CEP63: variants seen among roughly 807,000 people sequenced by gnomAD.
CEP63 encodes the protein centrosomal protein of 63 kDa.
A neutral mutation model predicts 89.1 loss-of-function variants in CEP63; 84 were observed. The ratio of observed to expected loss-of-function variants is 0.94; its 90% confidence interval spans 0.79 to 1.13. CEP63 has a LOEUF of 1.13. CEP63 is among the 50% of genes most tolerant of loss of function. CEP63 has a pLI of 0.00. For synonymous variants in CEP63, 267 were observed against 272.5 expected (o/e 0.98, Z 0.20); for missense variants, 838 against 813.3 (o/e 1.03, Z -0.37).
At position 134,562,344 on chromosome 3, in the gene CEP63, C is replaced by T; in HGVS notation, c.*809C>T. 2.4e-6 allele frequency: 1 copy of T among 415,456 alleles called. No individual in the cohort carries two copies. The allele number at this position is 415,456 out of a possible 1,614,324, so 25.7% of individuals were successfully genotyped here. A position where few individuals can be genotyped will look rare whatever the true frequency, so the allele number is the denominator to read the frequency against. ...AGGAGCAGGAGGCTGGGTTTGGGGC[C>T]CTGAAAGATGCCAGCATCTGAGGAT... is the stretch of plus-strand genomic sequence containing the variant. On this transcript the variant is annotated 3_prime_UTR_variant, in exon 15 of 15. Transcript: ENST00000675561.
At chr3:134,766,682 G>T in the CEP63 span, among the ~76,000 whole-genome samples, 1 of 152,212 alleles carries the variant, frequency 6.6e-6, no homozygotes, top group Non-Finnish European at 1.5e-5. Flanking sequence ...CAGTCACAAG[G>T]TTTGTGCAGT....
At chr3:134,527,591 A>G (rs1052205314) in intron 3 of CEP63, among the ~76,000 whole-genome samples, 1 of 152,196 alleles carries the variant, frequency 6.6e-6, no homozygotes, top group Non-Finnish European at 1.5e-5. Flanking sequence ...GCATAGGCAC[A>G]TGCCAGCAAA....
At chr3:134,700,500 C>G in the CEP63 span, among the ~76,000 whole-genome samples, 1 of 152,138 alleles carries the variant, frequency 6.6e-6, no homozygotes, top group South Asian at 2.1e-4. Flanking sequence ...CAGAGGTGAA[C>G]GCTTTCAATA....
At chr3:134,724,556 C>T in the CEP63 span, among the ~76,000 whole-genome samples, 4 of 152,206 alleles carry the variant, frequency 2.6e-5, no homozygotes, top group Non-Finnish European at 5.9e-5. Context: ...GCAGTAAAAA[C>T]AAGCCTTGAA....
At chr3:134,663,517 G>A in the CEP63 span, among the ~76,000 whole-genome samples, 502 of 152,298 alleles carry the variant, frequency 3.3e-3, 6 homozygotes, top group African/African-American at 9.8e-3. Context: ...TCTCATTCAC[G>A]TGAGCCCTGC....
chr3:134,546,012 CT>C, intron 7 of CEP63, 136 bp from the exon 8 acceptor site: 1 of 960,408 alleles, frequency 1.0e-6, no homozygotes, highest in Non-Finnish European at 1.6e-6. Context: ...TGTTACGTAA[CT>C]TATAGTCTGA....
the CEP63 span, among the ~76,000 whole-genome samples, chr3:134,621,630 G>T: frequency 2.0e-5 from 3 of 152,046 alleles, no homozygotes; most frequent in Non-Finnish European, 4.4e-5. Context: ...AAAACACTGG[G>T]GTTAATCTTC....
the CEP63 span, chr3:134,608,686 C>T: frequency 6.2e-7 from 1 of 1,614,060 alleles, no homozygotes; most frequent in South Asian, 1.1e-5. Flanking sequence ...GGGCACTCAG[C>T]ATCCCTTTGT....
chr3:134,623,234 G>A, the CEP63 span, among the ~76,000 whole-genome samples: 1 of 152,160 alleles, frequency 6.6e-6, no homozygotes, highest in East Asian at 1.9e-4. Flanking sequence ...GCCTCCGCTG[G>A]CTTCCTGGCA....
the CEP63 span, chr3:134,651,596 G>T: frequency 1.4e-5 from 14 of 988,902 alleles, 2 homozygotes; most frequent in African/African-American, 1.7e-4. Flanking sequence ...GAGGGAGTTG[G>T]GTGGGGTGTT....
At chr3:134,733,252 C>T in the CEP63 span, among the ~76,000 whole-genome samples, 1 of 152,012 alleles carries the variant, frequency 6.6e-6, no homozygotes, top group Non-Finnish European at 1.5e-5. Flanking sequence ...TCTGATGGAA[C>T]CATGAACAAT....
At chr3:134,485,991 G>GGC, upstream of CEP63, 10 of 938,142 alleles carry the variant, frequency 1.1e-5, no homozygotes, top group Non-Finnish European at 1.3e-5. Flanking sequence ...CTCCTGCCAC[G>GGC]CCCCCCCCCC....
intron 2 of CEP63, among the ~76,000 whole-genome samples, chr3:134,497,877 T>A (rs1940684667): frequency 6.6e-6 from 1 of 152,178 alleles, no homozygotes; most frequent in Admixed American, 6.5e-5. Context: ...TGAAAATCAG[T>A]GGGCTGTAAA....
At chr3:134,703,574 A>G in the CEP63 span, among the ~76,000 whole-genome samples, 1 of 152,020 alleles carries the variant, frequency 6.6e-6, no homozygotes, top group Non-Finnish European at 1.5e-5. Flanking sequence ...GAGCTGAGTG[A>G]TGAGATGCAT....
chr3:134,571,499 G>T (rs1182767490), intron 11 of CEP63, among the ~76,000 whole-genome samples: 1 of 152,206 alleles, frequency 6.6e-6, no homozygotes, highest in Non-Finnish European at 1.5e-5. Flanking sequence ...GACTAACATG[G>T]TGAAACCCCG....
At chr3:134,640,437 G>A in the CEP63 span, among the ~76,000 whole-genome samples, 5 of 152,182 alleles carry the variant, frequency 3.3e-5, no homozygotes, top group Non-Finnish European at 5.9e-5. Flanking sequence ...ACAAAAGGTG[G>A]TTGTGGAGAT....
the CEP63 span, among the ~76,000 whole-genome samples, chr3:134,749,760 T>C: frequency 1.1e-5 from 1 of 88,908 alleles, no homozygotes; most frequent in African/African-American, 4.0e-5. Context: ...GAAGGTAAAG[T>C]GGGATGATAA....
At chr3:134,596,162 A>G in the CEP63 span, among the ~76,000 whole-genome samples, 1 of 152,172 alleles carries the variant, frequency 6.6e-6, no homozygotes, top group African/African-American at 2.4e-5. Context: ...ATAATCTTCA[A>G]ACAGGGCCAT....
At chr3:134,496,333 A>C (rs561687949) in intron 2 of CEP63, among the ~76,000 whole-genome samples, 1 of 151,892 alleles carries the variant, frequency 6.6e-6, no homozygotes, top group Non-Finnish European at 1.5e-5. Flanking sequence ...AGTATTGCAA[A>C]CCATACATAA....
Sources: gnomAD v4.1 joint callset for allele counts (sites outside exome capture counted in the v4.1 genomes callset) on GRCh38, gnomAD v4.1.1 for gene constraint, MANE v1.5 for transcripts, NCBI Gene and HGNC (gene_info 2026-07-23, HGNC 2026-07-21) for gene names.